Variants in PAXBP1 observed in about 807,000 individuals in gnomAD.
The protein encoded by PAXBP1 is PAX3 and PAX7 binding protein 1, also known as PAX3- and PAX7-binding protein 1.
A neutral mutation model predicts 119.9 loss-of-function variants in PAXBP1; 44 were observed. The observed-to-expected ratio is 0.37, with a 90% CI of 0.29 to 0.47. The LOEUF is 0.47. PAXBP1 is among the 20% of genes least tolerant of loss of function. The probability of loss-of-function intolerance (pLI) is 0.99; values close to 1 mark genes in which losing one functional copy is unlikely to be tolerated. For missense variants in PAXBP1, 898 were observed against 1,134.1 expected, an observed-to-expected ratio of 0.79 and a Z score of 2.99; for synonymous variants, 393 against 406.6, an observed-to-expected ratio of 0.97 and a Z score of 0.40.
At chr21:32,750,333 T>C (rs2043940110) in intron 10 of PAXBP1, among the ~76,000 whole-genome samples, 1 of 152,254 alleles carries the variant, frequency 6.6e-6, no homozygotes, top group South Asian at 2.1e-4. Context: ...ATCACTGTGC[T>C]AGTCTTTCAA....
chr21:32,758,644 T>TAAAAAAAAAAAAAAAAAA (rs138934420), intron 7 of PAXBP1, among the ~76,000 whole-genome samples: 2 of 104,108 alleles, frequency 1.9e-5, no homozygotes, highest in Non-Finnish European at 2.0e-5. Context: ...TCATCCAGGG[T>TAAAAAAAAAAAAAAAAAA]AAAAAAAAAA....
intron 15 of PAXBP1, chr21:32,741,726 C>CG (rs554079060): frequency 5.7e-5 from 30 of 522,676 alleles, no homozygotes; most frequent in African/African-American, 5.4e-4. Flanking sequence ...GTTGGCTTTG[C>CG]GGAAAAGGGG....
At chr21:32,744,572 A>G (rs943328705) in intron 13 of PAXBP1, among the ~76,000 whole-genome samples, 2 of 152,032 alleles carry the variant, frequency 1.3e-5, no homozygotes, top group African/African-American at 2.4e-5. Context: ...ATTTTTTTAA[A>G]CTGAAAACTA....
chr21:32,739,742 T>TA (rs1260712732), intron 15 of PAXBP1, among the ~76,000 whole-genome samples: 1 of 151,248 alleles, frequency 6.6e-6, no homozygotes, highest in East Asian at 1.9e-4. Flanking sequence ...CCGTCTCTAC[T>TA]AAAAATACAA....
intron 3 of PAXBP1, among the ~76,000 whole-genome samples, chr21:32,763,094 T>A (rs543734917): frequency 6.6e-6 from 1 of 152,208 alleles, no homozygotes; most frequent in South Asian, 2.1e-4. Flanking sequence ...TCTCATATCA[T>A]AATAAGTTTT....
chr21:32,748,721 G>C, intron 10 of PAXBP1, 23 bp from the exon 11 acceptor site: 1 of 1,597,902 alleles, frequency 6.3e-7, no homozygotes, highest in Non-Finnish European at 8.5e-7. Context: ...AAACCCCACA[G>C]AGAACCATAC....
At chr21:32,766,077 G>C (rs958411715) in intron 2 of PAXBP1, among the ~76,000 whole-genome samples, 4 of 152,214 alleles carry the variant, frequency 2.6e-5, no homozygotes, top group African/African-American at 9.6e-5. Context: ...AGAAGCTGCA[G>C]TGAGGTGAAA....
At chr21:32,752,789 C>T (rs2043977383) in intron 8 of PAXBP1, among the ~76,000 whole-genome samples, 1 of 152,094 alleles carries the variant, frequency 6.6e-6, no homozygotes, top group South Asian at 2.1e-4. Context: ...ATTACAGGCA[C>T]CCGCCACCAG....
chr21:32,763,042 GTTTACCTGTAATCATACT>G, intron 3 of PAXBP1, among the ~76,000 whole-genome samples: 1 of 151,602 alleles, frequency 6.6e-6, no homozygotes, highest in African/African-American at 2.4e-5. Context: ...ATAGTTTTTA[GTTTACCTGTAATCATACT>G]AAATATTTAA....
chr21:32,742,867 G>C (rs1406239207), intron 15 of PAXBP1: 1 of 358,452 alleles, frequency 2.8e-6, no homozygotes, highest in Non-Finnish European at 5.5e-6. Context: ...TCATAGGTAT[G>C]TATGTAGAGG....
At chr21:32,760,064 G>A (rs894437281) in intron 5 of PAXBP1, 70 bp from the exon 6 acceptor site, 1 of 1,274,422 alleles carries the variant, frequency 7.8e-7, no homozygotes, top group African/African-American at 1.5e-5. Context: ...TGCCTTTAGG[G>A]TTAAAAAATC....
intron 7 of PAXBP1, among the ~76,000 whole-genome samples, chr21:32,757,182 C>T (rs192088114): frequency 8.3e-4 from 126 of 152,140 alleles, no homozygotes; most frequent in Non-Finnish European, 1.4e-3. Context: ...TATCTTTTTA[C>T]GGTTAACTCT....
chr21:32,743,462 T>C, intron 14 of PAXBP1, 148 bp from the exon 15 acceptor site: 1 of 705,042 alleles, frequency 1.4e-6, no homozygotes, highest in Non-Finnish European at 2.3e-6. Context: ...GATAGTATGT[T>C]AAAAAGGCAA....
At chr21:32,746,262 C>T (rs912121079) in intron 11 of PAXBP1, among the ~76,000 whole-genome samples, 1 of 152,156 alleles carries the variant, frequency 6.6e-6, no homozygotes, top group Non-Finnish European at 1.5e-5. Flanking sequence ...CAAAAATTGA[C>T]AAATGGTATC....
intron 7 of PAXBP1, 75 bp from the exon 8 acceptor site, chr21:32,755,428 C>T (rs1025071846): frequency 1.5e-5 from 23 of 1,556,458 alleles, no homozygotes; most frequent in Non-Finnish European, 1.7e-5. Flanking sequence ...ATACTATTTC[C>T]GGATTTCTGA....
Position 32,738,196 on chromosome 21 carries a change from C to A in PAXBP1, c.2458G>T (p.Asp820Tyr). 1 of 1,590,018 alleles carries A rather than the reference C, an allele frequency of 6.3e-7. No individual in the cohort carries two copies. The highest frequency in any genetic ancestry group is 1.2e-5 in the South Asian group (1 of 84,810). The stretch of plus-strand genomic sequence containing the variant: ...ACATTTTGGGCTTTTTTGATGCTGT[C>A]ATCTCCATATTCTGAATTCTGAAAA... ...MAFQNSEYGD[D>Y]SIKKAQNVIN... The change falls in exon 16 of 18, where the codon GAC becomes TAC. Residue 820 changes from aspartate to tyrosine, a missense_variant. By Grantham distance (160) the Asp-to-Tyr change is radical (BLOSUM62 -3). This residue lies in a region of PAXBP1 where 599 missense variants were observed against 852.7 expected (regional missense o/e 0.70). Transcript: ENST00000331923.
rs759857466 is a variant in PAXBP1, at chr21:32,751,298, C to G, written c.1508-80G>C. On this transcript the variant is annotated intron_variant, in intron 8 of 17. Coordinates refer to ENST00000331923, the MANE Select transcript of PAXBP1 (RefSeq NM_016631.4). The stretch of plus-strand genomic sequence containing the variant: ...AGAGTTTGCACAGAATAAGCCATTA[C>G]GACAGACTGCTTGCTAATCTCAACG... 6.3e-6 allele frequency: 8 copies of G among 1,278,382 alleles called. No homozygotes were observed. In the South Asian group the frequency reaches 8.8e-5, roughly 14 times the overall value. The allele number at this position is 1,278,382 out of a possible 1,614,324, so 79.2% of individuals were successfully genotyped here.
intron 15 of PAXBP1, chr21:32,741,722 T>G: frequency 1.9e-6 from 1 of 532,626 alleles, no homozygotes; most frequent in African/African-American, 1.9e-5. Flanking sequence ...TATGGTTGGC[T>G]TTGCGGAAAA....
Position 32,771,677 on chromosome 21 carries a change from C to CCCGCACGGCGGTCGAATACTCGCTT in PAXBP1, c.-34_-10dup. On this transcript the variant is annotated 5_prime_UTR_variant, in exon 1 of 18. Coordinates refer to ENST00000331923, the MANE Select transcript of PAXBP1 (RefSeq NM_016631.4). ...CGGGCCTTTCGGAACATCCCCGCGG[C>CCCGCACGGCGGTCGAATACTCGCTT]CCGCACGGCGGTCGAATACTCGCTT... 7.1e-7 allele frequency: 1 copy of CCCGCACGGCGGTCGAATACTCGCTT among 1,398,824 alleles called. No homozygotes were observed. The highest frequency in any genetic ancestry group is 9.2e-7 in the Non-Finnish European group (1 of 1,081,740). 86.7% of individuals were successfully genotyped at this position (1,398,824 alleles called of 1,614,324 possible). A position where few individuals can be genotyped will look rare whatever the true frequency, so the allele number is the denominator to read the frequency against.
Sources: gnomAD v4.1 joint callset for allele counts (sites outside exome capture counted in the v4.1 genomes callset) on GRCh38, gnomAD v4.1.1 for gene constraint, gnomAD v4.1.1 regional missense constraint, MANE v1.5 for transcripts, NCBI Gene and HGNC (gene_info 2026-07-23, HGNC 2026-07-21) for gene names.